The following SIL1 variants were observed in gnomAD, a reference collection of about 807,000 sequenced individuals.
The protein encoded by SIL1 is SIL1 nucleotide exchange factor.
SIL1 carries 40 observed loss-of-function variants against 49.1 expected under a neutral mutation model. The ratio of observed to expected loss-of-function variants is 0.81; its 90% CI spans 0.63 to 1.06. SIL1 has a LOEUF of 1.06. Ranked by LOEUF, SIL1 falls within the 50% of genes least tolerant of loss-of-function variation. The probability of loss-of-function intolerance (pLI) is 0.00; values close to 1 mark genes in which losing one functional copy is unlikely to be tolerated. For missense variants in SIL1, 500 were observed against 572.6 expected (o/e 0.87, Z 1.29); for synonymous variants, 253 against 250.8 (o/e 1.01, Z -0.08).
At chr5:139,170,277 C>CCCGGCCG (rs1751723738) in intron 1 of SIL1, among the ~76,000 whole-genome samples, 1 of 152,168 alleles carries the variant, frequency 6.6e-6, no homozygotes, top group Admixed American at 6.6e-5. Context: ...GCAGCTTCTG[C>CCCGGCCG]CCGGCCGCCA....
chr5:139,139,598 A>T (rs1488419578), intron 1 of SIL1, among the ~76,000 whole-genome samples: 1 of 152,248 alleles, frequency 6.6e-6, no homozygotes, highest in Non-Finnish European at 1.5e-5. Flanking sequence ...CAGAATATAC[A>T]AAAGATATTG....
At chr5:139,146,761 T>G (rs1488754427) in intron 1 of SIL1, among the ~76,000 whole-genome samples, 1 of 152,198 alleles carries the variant, frequency 6.6e-6, no homozygotes, top group Non-Finnish European at 1.5e-5. Context: ...TAGTTTTACC[T>G]TTAACCTATT....
chr5:139,181,657 GA>G (rs901162480), intron 1 of SIL1, among the ~76,000 whole-genome samples: 1 of 152,176 alleles, frequency 6.6e-6, no homozygotes, highest in Non-Finnish European at 1.5e-5. Context: ...TTGAAGTTGA[GA>G]AATCACTAAA....
At chr5:138,991,715 C>T (rs1057203982) in intron 7 of SIL1, among the ~76,000 whole-genome samples, 3 of 152,202 alleles carry the variant, frequency 2.0e-5, no homozygotes, top group Admixed American at 6.5e-5. Context: ...AGAAGAAGAG[C>T]TGCTGGGAGA....
chr5:139,160,568 G>A (rs151097781), intron 1 of SIL1, among the ~76,000 whole-genome samples: 5 of 152,320 alleles, frequency 3.3e-5, no homozygotes, highest in East Asian at 3.9e-4. Flanking sequence ...GCCAGGTGTC[G>A]TGGCTCATGC....
intron 3 of SIL1, among the ~76,000 whole-genome samples, chr5:139,083,166 A>G (rs978183962): frequency 2.6e-5 from 4 of 152,196 alleles, no homozygotes; most frequent in Non-Finnish European, 4.4e-5. Context: ...AGGGGAATAT[A>G]AGTAAGAGCA....
At chr5:139,018,886 T>G (rs1178828319) in intron 7 of SIL1, among the ~76,000 whole-genome samples, 1 of 152,048 alleles carries the variant, frequency 6.6e-6, no homozygotes, top group Non-Finnish European at 1.5e-5. Flanking sequence ...CCTGTTAACG[T>G]AAGAAAAAGG....
chr5:138,966,770 T>C (rs1203186154), intron 7 of SIL1, among the ~76,000 whole-genome samples: 1 of 152,214 alleles, frequency 6.6e-6, no homozygotes, highest in Non-Finnish European at 1.5e-5. Flanking sequence ...ACTCCCATTT[T>C]GCTCATCAAC....
chr5:139,143,332 C>CATAT (rs1228701435), intron 1 of SIL1, among the ~76,000 whole-genome samples: 4 of 90,600 alleles, frequency 4.4e-5, no homozygotes, highest in African/African-American at 1.4e-4. Context: ...CACACACACA[C>CATAT]ACACACACAC....
intron 3 of SIL1, among the ~76,000 whole-genome samples, chr5:139,105,738 C>T (rs955990365): frequency 2.6e-5 from 4 of 152,246 alleles, no homozygotes; most frequent in Non-Finnish European, 2.9e-5. Context: ...CACGCTCCAA[C>T]GGCCGCCTCC....
intron 1 of SIL1, among the ~76,000 whole-genome samples, chr5:139,157,216 G>A (rs1475061537): frequency 1.3e-5 from 2 of 152,172 alleles, no homozygotes; most frequent in Non-Finnish European, 2.9e-5. Context: ...ATCCACAAGA[G>A]GAAGTAAATC....
chr5:139,046,520 G>A (rs1447021589), intron 4 of SIL1, among the ~76,000 whole-genome samples: 1 of 152,070 alleles, frequency 6.6e-6, no homozygotes, highest in Non-Finnish European at 1.5e-5. Context: ...ACTTGACAAA[G>A]CCTTTTCCTT....
intron 7 of SIL1, among the ~76,000 whole-genome samples, chr5:138,959,070 C>T (rs1164003724): frequency 6.6e-6 from 1 of 152,168 alleles, no homozygotes; most frequent in African/African-American, 2.4e-5. Flanking sequence ...TTCCATCACC[C>T]TTTAATATTT....
intron 1 of SIL1, among the ~76,000 whole-genome samples, chr5:139,174,937 C>CAAAAAAAAAAAAAAAAAAAAAA (rs56959325): frequency 1.7e-5 from 1 of 59,850 alleles, no homozygotes; most frequent in African/African-American, 8.0e-5. Context: ...GACTGTGTCT[C>CAAAAAAAAAAAAAAAAAAAAAA]AAAAAAAAAA....
At chr5:139,063,992 A>AG (rs1220133511) in intron 3 of SIL1, among the ~76,000 whole-genome samples, 1 of 152,246 alleles carries the variant, frequency 6.6e-6, no homozygotes, top group Admixed American at 6.5e-5. Context: ...ATGATTGAAT[A>AG]AAAGGGTTAA....
Position 138,947,241 on chromosome 5 carries a change from G to C in SIL1, c.1262C>G (p.Thr421Arg). ...GTACTCAGCCTGCAGGCTGGCCAGTGTCCTGCCGAGCTGGGGGTCCTGACG... is the reference window on the plus strand; with the variant it reads ...GTACTCAGCCTGCAGGCTGGCCAGTCTCCTGCCGAGCTGGGGGTCCTGACG... ...RYRQDPQLGR[T>R]LASLQAEYQV... Residue 421 changes from threonine to arginine, a missense_variant, in exon 10 of 10, where the codon ACA becomes AGA. By Grantham distance (71) the Thr-to-Arg change is moderately conservative. Transcript: ENST00000394817. This position sits in a 1 kb window ranked among gnomAD's most constrained non-coding sequence, Gnocchi z 4.1. 6 of 1,613,448 alleles carry C rather than the reference G, an allele frequency of 3.7e-6. No individual in the cohort carries two copies. Among genetic ancestry groups the C allele is most frequent in the Non-Finnish European group, 5.1e-6 (6 of 1,179,988 alleles).
chr5:139,162,593 T>A (rs902462281), intron 1 of SIL1, among the ~76,000 whole-genome samples: 5 of 152,166 alleles, frequency 3.3e-5, no homozygotes, highest in African/African-American at 1.2e-4. Flanking sequence ...AAGAAAATCA[T>A]CTTGATTACA....
chr5:139,023,433 G>A lies in SIL1; in HGVS notation c.646-2141C>T, dbSNP rs531359117. 8.5e-5 allele frequency among the ~76,000 whole-genome samples: 13 copies of A among 152,180 alleles called. No individual in the cohort carries two copies. In the South Asian group the frequency reaches 1.9e-3, roughly 22 times the overall value. On this transcript the variant is annotated intron_variant, in intron 6 of 9. Coordinates refer to ENST00000394817, the MANE Select transcript of SIL1 (RefSeq NM_022464.5). ...GCAGGGCACTGATAAGACAATGAGA[G>A]AATGGGAAACAGCGAAGGGGAAAAA...
At chr5:139,100,720 G>A (rs1028148223) in intron 3 of SIL1, among the ~76,000 whole-genome samples, 1 of 152,158 alleles carries the variant, frequency 6.6e-6, no homozygotes, top group Non-Finnish European at 1.5e-5. Context: ...CAGACAGAAT[G>A]TGGGGTCTTA....
Sources: allele counts gnomAD v4.1 joint callset (sites outside exome capture counted in the v4.1 genomes callset), GRCh38; gene constraint gnomAD v4.1.1; non-coding constraint Gnocchi (gnomAD v3.1); transcripts MANE v1.5; gene names NCBI Gene and HGNC (gene_info 2026-07-23, HGNC 2026-07-21).